Variants in KIZ observed in about 807,000 individuals in gnomAD.
KIZ encodes kizuna centrosomal protein.
KIZ carries 68 observed loss-of-function variants against 79.6 expected under a neutral mutation model. That is an observed-to-expected ratio of 0.85 (90% CI 0.70 to 1.05). The LOEUF (loss-of-function observed/expected upper bound fraction) is 1.05, where lower values mean the gene tolerates loss of function less well. Among genes scored for constraint, KIZ ranks in the 50% least tolerant of loss-of-function variants. The pLI, the probability that KIZ is intolerant of heterozygous loss-of-function variation, is 0.00. For missense variants in KIZ, 797 were observed against 800.4 expected (o/e 1.00, Z 0.05); for synonymous variants, 280 against 281.8 (o/e 0.99, Z 0.06).
upstream of KIZ, chr20:21,126,065 C>A (rs994045887): frequency 2.1e-5 from 30 of 1,405,782 alleles, no homozygotes; most frequent in African/African-American, 2.1e-4. Context: ...TCGGCAACCC[C>A]GGCCGAACGG....
At chr20:21,194,758 G>A (rs2035266888) in intron 6 of KIZ, 1 of 151,996 alleles carries the variant, frequency 6.6e-6, no homozygotes, top group Admixed American at 6.6e-5. Flanking sequence ...GGGAGGCCAA[G>A]GTGGGAGGAT....
intron 6 of KIZ, among the ~76,000 whole-genome samples, chr20:21,182,246 C>T (rs2034685112): frequency 6.6e-6 from 1 of 152,122 alleles, no homozygotes; most frequent in Admixed American, 6.5e-5. Context: ...GTCTCGCCCC[C>T]ACCGTCTGAG....
At chr20:21,154,259 A>G (rs907196168) in intron 4 of KIZ, 4 of 152,182 alleles carry the variant, frequency 2.6e-5, no homozygotes, top group African/African-American at 9.6e-5. Context: ...CATGAAGTGT[A>G]ACTTTTTTTT....
intron 7 of KIZ, among the ~76,000 whole-genome samples, chr20:21,212,324 T>TA (rs1312925494): frequency 1.3e-5 from 2 of 152,206 alleles, no homozygotes; most frequent in Non-Finnish European, 2.9e-5. Context: ...ACTTCCAACT[T>TA]ACAATGGTTC....
At chr20:21,244,177 T>C in intron 11 of KIZ, 68 bp from the exon 12 acceptor site, 1 of 1,109,526 alleles carries the variant, frequency 9.0e-7, no homozygotes, top group Non-Finnish European at 1.4e-6. Flanking sequence ...TCTAATGCGT[T>C]CATTATGAAA....
At chr20:21,154,781 A>G (rs2033291943) in intron 4 of KIZ, among the ~76,000 whole-genome samples, 1 of 152,206 alleles carries the variant, frequency 6.6e-6, no homozygotes, top group South Asian at 2.1e-4. Flanking sequence ...GAGAAGACAC[A>G]TAATAGTGTT....
At chr20:21,237,695 C>T (rs1270101886) in intron 11 of KIZ, among the ~76,000 whole-genome samples, 2 of 152,326 alleles carry the variant, frequency 1.3e-5, no homozygotes, top group Non-Finnish European at 1.5e-5. Context: ...ACCTTCTGAA[C>T]GTTTCCTAAG....
intron 4 of KIZ, chr20:21,151,732 C>T (rs1315226955): frequency 6.6e-6 from 1 of 152,074 alleles, no homozygotes; most frequent in Non-Finnish European, 1.5e-5. Flanking sequence ...AAAGTTAGTG[C>T]CTAGAACTTT....
intron 11 of KIZ, 41 bp from the exon 12 acceptor site, chr20:21,244,204 C>T (rs1751950080): frequency 1.4e-6 from 2 of 1,439,844 alleles, no homozygotes; most frequent in African/African-American, 1.4e-5. Flanking sequence ...GTCTCATTGT[C>T]TTTTCTTTTT....
At chr20:21,175,309 C>G (rs1326900859) in intron 6 of KIZ, among the ~76,000 whole-genome samples, 2 of 152,128 alleles carry the variant, frequency 1.3e-5, no homozygotes, top group Admixed American at 6.5e-5. Context: ...TTGTAAAAAT[C>G]CAAACCTACT....
At chr20:21,214,411 G>A in intron 7 of KIZ, 124 bp from the exon 8 acceptor site, 2 of 627,554 alleles carry the variant, frequency 3.2e-6, no homozygotes, top group Non-Finnish European at 5.3e-6. Context: ...TTTAAATGTG[G>A]GAAACAGATT....
chr20:21,157,057 G>A (rs887592250), intron 4 of KIZ, among the ~76,000 whole-genome samples: 1 of 152,000 alleles, frequency 6.6e-6, no homozygotes. Context: ...CCAGGAGTTC[G>A]AGTCCACCCT....
chr20:21,167,610 G>A (rs1338388843), intron 6 of KIZ, among the ~76,000 whole-genome samples: 3 of 132,502 alleles, frequency 2.3e-5, no homozygotes, highest in Non-Finnish European at 1.5e-5. Context: ...CGCCCAGGCT[G>A]GAGTACAATG....
chr20:21,172,374 G>T (rs554380159), intron 6 of KIZ, among the ~76,000 whole-genome samples: 82 of 152,258 alleles, frequency 5.4e-4, no homozygotes, highest in African/African-American at 1.9e-3. Context: ...AGGCTGAGGC[G>T]AATGGATTGT....
intron 4 of KIZ, among the ~76,000 whole-genome samples, chr20:21,153,561 G>A (rs915626580): frequency 3.3e-5 from 5 of 151,150 alleles, no homozygotes; most frequent in Admixed American, 1.3e-4. Context: ...CAACATGTAA[G>A]AAGAAGACTT....
rs529736554 is a variant in KIZ, at chr20:21,137,936, T to C, written c.315+1384T>C. Among the ~76,000 whole-genome samples, 3 of 152,262 alleles carry C rather than the reference T, an allele frequency of 2.0e-5. No individual in the cohort carries two copies. In the South Asian group the frequency reaches 6.2e-4, roughly 32 times the overall value. On this transcript the variant is annotated intron_variant, in intron 3 of 12. Transcript: ENST00000619189. ...ATAGGCATGCACCACCATGCCTGGC[T>C]AATTTTTTATTTTTTTGTAGAGATG...
chr20:21,210,205 G>A (rs1157654559), intron 7 of KIZ, among the ~76,000 whole-genome samples: 1 of 152,124 alleles, frequency 6.6e-6, no homozygotes, highest in African/African-American at 2.4e-5. Context: ...CTACTTGGGA[G>A]GCTGAGGCAC....
chr20:21,200,574 A>G lies in KIZ; in HGVS notation c.1353-4917A>G, dbSNP rs892097672. Among the ~76,000 whole-genome samples, 3 of 151,816 alleles carry G rather than the reference A, an allele frequency of 2.0e-5. No individual in the cohort carries two copies. The South Asian group carries it at 6.3e-4, about 32-fold the overall frequency. On this transcript the variant is annotated intron_variant, in intron 6 of 12. Coordinates refer to ENST00000619189, the MANE Select transcript of KIZ (RefSeq NM_018474.6). ...GTTAGATTCTCATAAGGAACATGCA[A>G]CCTAGCTCCCTTGCATGCACAGTTC...
intron 9 of KIZ, among the ~76,000 whole-genome samples, chr20:21,228,014 T>C (rs1214528412): frequency 3.3e-5 from 5 of 152,250 alleles, no homozygotes; most frequent in African/African-American, 1.2e-4. Context: ...TACTCATTTT[T>C]ATCTTGACTG....
Sources: gnomAD v4.1 joint callset for allele counts (sites outside exome capture counted in the v4.1 genomes callset) on GRCh38, gnomAD v4.1.1 for gene constraint, MANE v1.5 for transcripts, NCBI Gene and HGNC (gene_info 2026-07-23, HGNC 2026-07-21) for gene names.